Variants in MYLK4 observed in about 807,000 individuals in gnomAD.
MYLK4 encodes the protein myosin light chain kinase family member 4.
Under a neutral mutation model 48.1 loss-of-function variants are expected in MYLK4, and 46 were observed. The observed-to-expected ratio is 0.96, with a 90% confidence interval of 0.75 to 1.22. MYLK4 has a LOEUF of 1.22. MYLK4 is among the 50% of genes most tolerant of loss of function. The pLI is 0.00. For synonymous variants in MYLK4, 170 were observed against 180.8 expected (o/e 0.94, Z 0.48); for missense variants, 451 against 486.1 (o/e 0.93, Z 0.68).
chr6:2,681,558 C>A (rs1161584196), intron 7 of MYLK4, among the ~76,000 whole-genome samples: 1 of 152,100 alleles, frequency 6.6e-6, no homozygotes, highest in South Asian at 2.1e-4. Flanking sequence ...AATAAGTTAG[C>A]CTTTTTATGA....
chr6:2,727,553 G>A (rs963073630), intron 2 of MYLK4, among the ~76,000 whole-genome samples: 1 of 152,098 alleles, frequency 6.6e-6, no homozygotes, highest in Non-Finnish European at 1.5e-5. Flanking sequence ...CCTACAAACC[G>A]CTCGAGGTTG....
At chr6:2,703,157 C>T (rs1400818395) in intron 2 of MYLK4, among the ~76,000 whole-genome samples, 1 of 152,062 alleles carries the variant, frequency 6.6e-6, no homozygotes, top group Non-Finnish European at 1.5e-5. Context: ...ATGGAGGGGG[C>T]CCCCAGGACC....
rs1289166173 is a variant in MYLK4 at position 2,667,706 on chromosome 6, G to A, written c.*219C>T. 1 of 152,660 alleles carries A rather than the reference G, an allele frequency of 6.6e-6. No homozygotes were observed. Among genetic ancestry groups the A allele is most frequent in the Non-Finnish European group, 1.5e-5 (1 of 68,042 alleles). 9.5% of individuals were successfully genotyped at this position (152,660 alleles called of 1,614,324 possible). On this transcript the variant is annotated 3_prime_UTR_variant, in exon 13 of 13. Transcript: ENST00000274643. ...CATCACCACCACCGGGTGCAGGGAT[G>A]TGTTTGCGCCCTGAGACCAGACCGC... is the stretch of plus-strand genomic sequence containing the variant.
rs1760540425 is a variant in MYLK4 at position 2,663,868 on chromosome 6, T to A, written c.*4057A>T. 1 of 152,460 alleles carries A rather than the reference T, an allele frequency of 6.6e-6. No individual in the cohort carries two copies. The allele number at this position is 152,460 out of a possible 1,614,324, so 9.4% of individuals were successfully genotyped here. A position where few individuals can be genotyped will look rare whatever the true frequency, so the allele number is the denominator to read the frequency against. ...GCTGAGACGACAGCAAAATACACAT[T>A]AGGTAACATATGAACGCTCACACAG... On this transcript the variant is annotated 3_prime_UTR_variant, in exon 13 of 13. Transcript: ENST00000274643.
chr6:2,767,084 C>T, the MYLK4 span, among the ~76,000 whole-genome samples: 1 of 152,346 alleles, frequency 6.6e-6, no homozygotes, highest in African/African-American at 2.4e-5. Flanking sequence ...TAACTTTTCT[C>T]ATAATGCCTT....
chr6:2,768,532 T>C, the MYLK4 span, among the ~76,000 whole-genome samples: 5 of 152,250 alleles, frequency 3.3e-5, no homozygotes, highest in African/African-American at 9.6e-5. Flanking sequence ...TGTTTTTAAA[T>C]GTCCTGTGGT....
rs983106575 is a variant in MYLK4 at position 2,740,545 on chromosome 6, T to C, written c.159+8591A>G. Among the ~76,000 whole-genome samples, 3 of 152,172 alleles carry C rather than the reference T, an allele frequency of 2.0e-5. No individual in the cohort carries two copies. The East Asian group carries it at 5.8e-4, about 29-fold the overall frequency. On this transcript the variant is annotated intron_variant, in intron 2 of 12. Transcript: ENST00000274643. ...GGCTCTGAGGTCATCCTGTCTGAAGTAGCCAGTTTGGCAACTCAACCTTGT... is the reference window on the plus strand; with the variant it reads ...GGCTCTGAGGTCATCCTGTCTGAAGCAGCCAGTTTGGCAACTCAACCTTGT...
intron 2 of MYLK4, among the ~76,000 whole-genome samples, chr6:2,728,314 T>C (rs1362669833): frequency 6.6e-6 from 1 of 152,198 alleles, no homozygotes; most frequent in Non-Finnish European, 1.5e-5. Flanking sequence ...CCTTACTGTT[T>C]TCTACAGAAT....
chr6:2,713,875 G>A (rs1762770762), intron 2 of MYLK4, among the ~76,000 whole-genome samples: 1 of 152,054 alleles, frequency 6.6e-6, no homozygotes, highest in African/African-American at 2.4e-5. Flanking sequence ...AATAAATCAT[G>A]GCCACTCCCA....
chr6:2,686,455 C>T (rs1391825140), intron 4 of MYLK4, among the ~76,000 whole-genome samples: 1 of 152,256 alleles, frequency 6.6e-6, no homozygotes, highest in Non-Finnish European at 1.5e-5. Context: ...TACGTAATCA[C>T]ATACAGATGT....
intron 2 of MYLK4, among the ~76,000 whole-genome samples, chr6:2,740,551 G>A (rs1763866439): frequency 6.6e-6 from 1 of 152,168 alleles, no homozygotes; most frequent in African/African-American, 2.4e-5. Flanking sequence ...GAAGTAGCCA[G>A]TTTGGCAACT....
At chr6:2,723,765 G>A (rs1372296516) in intron 2 of MYLK4, among the ~76,000 whole-genome samples, 4 of 152,172 alleles carry the variant, frequency 2.6e-5, no homozygotes, top group African/African-American at 9.7e-5. Context: ...GCACTTTGGA[G>A]CCCCACTATT....
chr6:2,765,912 A>G, the MYLK4 span: 1 of 1,454,530 alleles, frequency 6.9e-7, no homozygotes, highest in Non-Finnish European at 9.1e-7. Flanking sequence ...GGCGAGGGTG[A>G]GGAGGGCGAC....
the MYLK4 span, chr6:2,766,443 A>G: frequency 3.9e-6 from 6 of 1,550,412 alleles, no homozygotes; most frequent in South Asian, 1.2e-5. Context: ...GGCTGCGGCA[A>G]GGTGAGTGCG....
chr6:2,742,862 G>GT, intron 2 of MYLK4, among the ~76,000 whole-genome samples: 1 of 152,016 alleles, frequency 6.6e-6, no homozygotes, highest in South Asian at 2.1e-4. Flanking sequence ...AAAACTTAAA[G>GT]TATAATAATA....
chr6:2,690,760 C>T (rs1192812281), intron 3 of MYLK4, among the ~76,000 whole-genome samples: 2 of 151,194 alleles, frequency 1.3e-5, no homozygotes, highest in Non-Finnish European at 2.9e-5. Flanking sequence ...TTTTTCACTT[C>T]CTTTCCTTAG....
At chr6:2,691,306 A>G (rs1358837134) in intron 3 of MYLK4, among the ~76,000 whole-genome samples, 1 of 152,232 alleles carries the variant, frequency 6.6e-6, no homozygotes, top group East Asian at 1.9e-4. Flanking sequence ...TTTCTCCAAG[A>G]TGAGGTTTCA....
At chr6:2,699,577 G>A (rs1350099300) in intron 2 of MYLK4, among the ~76,000 whole-genome samples, 4 of 151,796 alleles carry the variant, frequency 2.6e-5, no homozygotes, top group Admixed American at 2.0e-4. Flanking sequence ...GATTACAGCT[G>A]TCAGCCACCA....
intron 7 of MYLK4, among the ~76,000 whole-genome samples, chr6:2,680,714 C>T (rs957083527): frequency 1.3e-5 from 2 of 152,214 alleles, no homozygotes; most frequent in Non-Finnish European, 2.9e-5. Flanking sequence ...AATTGACCTG[C>T]TCCATTCAAA....
Sources: allele counts gnomAD v4.1 joint callset (sites outside exome capture counted in the v4.1 genomes callset), GRCh38; gene constraint gnomAD v4.1.1; transcripts MANE v1.5; gene names NCBI Gene and HGNC (gene_info 2026-07-23, HGNC 2026-07-21).